The following SLCO3A1 variants were observed in gnomAD, a reference collection of about 807,000 sequenced individuals.
SLCO3A1 encodes the protein PGE1 transporter.
A neutral mutation model predicts 63.1 loss-of-function variants in SLCO3A1; 27 were observed. The observed-to-expected ratio is 0.43, with a 90% confidence interval of 0.32 to 0.59. The LOEUF is 0.59. Among genes scored for constraint, SLCO3A1 ranks in the 20% least tolerant of loss-of-function variants. The pLI, the probability that SLCO3A1 is intolerant of heterozygous loss-of-function variation, is 0.09. For synonymous variants in SLCO3A1, 473 were observed against 409.9 expected, an observed-to-expected ratio of 1.15 and a Z score of -1.86; for missense variants, 773 against 945.8, an observed-to-expected ratio of 0.82 and a Z score of 2.40.
At chr15:91,964,415 C>T (rs73532454) in intron 2 of SLCO3A1, among the ~76,000 whole-genome samples, 3,124 of 152,082 alleles carry the variant, frequency 0.021, 62 homozygotes, top group South Asian at 0.05. Context: ...AGAAGCAAAC[C>T]CTCACATGCA....
At chr15:92,133,208 G>C (rs1021835264) in intron 7 of SLCO3A1, among the ~76,000 whole-genome samples, 2 of 146,122 alleles carry the variant, frequency 1.4e-5, no homozygotes, top group Admixed American at 6.8e-5. Flanking sequence ...TGTCCCTCGG[G>C]GGATATCATC....
chr15:91,938,484 T>G (rs578199536), intron 2 of SLCO3A1, among the ~76,000 whole-genome samples: 6 of 61,252 alleles, frequency 9.8e-5, no homozygotes, highest in South Asian at 1.0e-3. Flanking sequence ...TTTTTTTTGT[T>G]TTTTTTTTTT....
chr15:92,134,096 G>C (rs1439798618), intron 7 of SLCO3A1, among the ~76,000 whole-genome samples: 1 of 152,206 alleles, frequency 6.6e-6, no homozygotes, highest in Admixed American at 6.5e-5. Flanking sequence ...ACTGAGAAGC[G>C]CTGGCCTTTT....
intron 7 of SLCO3A1, 107 bp downstream of exon 7, chr15:92,128,596 C>T (rs1035365531): frequency 9.1e-6 from 9 of 983,834 alleles, no homozygotes; most frequent in African/African-American, 3.2e-5. Context: ...TTTTTCTTAG[C>T]TGTTGCCTTG....
At chr15:91,937,803 TATG>T (rs1899468767) in intron 2 of SLCO3A1, among the ~76,000 whole-genome samples, 1 of 152,030 alleles carries the variant, frequency 6.6e-6, no homozygotes, top group African/African-American at 2.4e-5. Context: ...AAGCACAGGT[TATG>T]CAAAGTTTTA....
At position 91,926,300 on chromosome 15, in the gene SLCO3A1, C is replaced by T. The variant is rs529573306; in HGVS notation, c.646+9842C>T. On this transcript the variant is annotated intron_variant, in intron 2 of 9. Transcript: ENST00000318445. Reference sequence around the variant, plus strand: ...AAAGTATTTAAAAATAACCTGTTGGCAGGCTTTGTGCAGGAACAGTAAGTG... The same window carrying T: ...AAAGTATTTAAAAATAACCTGTTGGTAGGCTTTGTGCAGGAACAGTAAGTG... 5.9e-5 allele frequency among the ~76,000 whole-genome samples: 9 copies of T among 152,318 alleles called. No homozygotes were observed. In the East Asian group the frequency reaches 1.7e-3, roughly 29 times the overall value.
intron 2 of SLCO3A1, among the ~76,000 whole-genome samples, chr15:91,951,578 CAG>C: frequency 7.2e-6 from 1 of 139,330 alleles, no homozygotes; most frequent in South Asian, 2.2e-4. Flanking sequence ...TTTTTTGAGA[CAG>C]AGTCTCACTT....
chr15:91,906,917 T>A (rs1898324869), intron 1 of SLCO3A1, among the ~76,000 whole-genome samples: 1 of 112,146 alleles, frequency 8.9e-6, no homozygotes, highest in African/African-American at 4.3e-5. Flanking sequence ...TAGGAAGCAA[T>A]TAAATTGAGT....
intron 2 of SLCO3A1, among the ~76,000 whole-genome samples, chr15:92,008,486 A>T (rs2046336202): frequency 6.6e-6 from 1 of 152,242 alleles, no homozygotes; most frequent in African/African-American, 2.4e-5. Flanking sequence ...ACATTCAATG[A>T]GCTAAAAAAA....
At chr15:91,890,675 TA>T (rs1814835162) in intron 1 of SLCO3A1, among the ~76,000 whole-genome samples, 1 of 152,220 alleles carries the variant, frequency 6.6e-6, no homozygotes, top group African/African-American at 2.4e-5. Context: ...CTTTGTCTTT[TA>T]AGGCTCTGAT....
chr15:92,066,483 A>T (rs2047153352), intron 2 of SLCO3A1, among the ~76,000 whole-genome samples: 2 of 152,246 alleles, frequency 1.3e-5, no homozygotes, highest in African/African-American at 4.8e-5. Flanking sequence ...AGCTTCTGAG[A>T]AATGCAAAAC....
intron 3 of SLCO3A1, among the ~76,000 whole-genome samples, chr15:92,097,564 CT>C (rs2047554932): frequency 6.6e-6 from 1 of 152,220 alleles, no homozygotes; most frequent in African/African-American, 2.4e-5. Context: ...TCATTGGCTA[CT>C]TGGTGCCTGC....
At position 91,916,550 on chromosome 15, in the gene SLCO3A1, C is replaced by T. The variant is rs1320912543; in HGVS notation, c.646+92C>T. ...GGTGGACTTTGATTTTGCCAGAGTA[C>T]TGGTTCTCAGACTTGGCTGCACACC... On this transcript the variant is annotated intron_variant, in intron 2 of 9. Coordinates refer to ENST00000318445, the MANE Select transcript of SLCO3A1 (RefSeq NM_013272.4). The surrounding 1 kb of genome is among the most constrained non-coding windows in gnomAD (Gnocchi z 6.2). 2 of 969,618 alleles carry T rather than the reference C, an allele frequency of 2.1e-6. No homozygotes were observed. The highest frequency in any genetic ancestry group is 3.1e-6 in the Non-Finnish European group (2 of 655,566). 60.1% of individuals were successfully genotyped at this position (969,618 alleles called of 1,614,324 possible).
At chr15:92,032,999 T>C (rs1281524322) in intron 2 of SLCO3A1, among the ~76,000 whole-genome samples, 1 of 152,120 alleles carries the variant, frequency 6.6e-6, no homozygotes, top group Admixed American at 6.5e-5. Flanking sequence ...GGGAAGTCCA[T>C]GTCAGTGGAT....
intron 1 of SLCO3A1, among the ~76,000 whole-genome samples, chr15:91,913,532 A>G (rs1252823169): frequency 6.6e-6 from 1 of 152,246 alleles, no homozygotes; most frequent in Non-Finnish European, 1.5e-5. Context: ...ACTAGGCTCA[A>G]GGAGTTTGTT....
chr15:92,162,703 G>A, intron 9 of SLCO3A1, 53 bp from the exon 10 acceptor site: 2 of 1,561,268 alleles, frequency 1.3e-6, no homozygotes, highest in Non-Finnish European at 8.7e-7. Flanking sequence ...GACAGGAACA[G>A]GGGAGCACTG....
intron 2 of SLCO3A1, among the ~76,000 whole-genome samples, chr15:92,025,828 A>G (rs2151475569): frequency 6.6e-6 from 1 of 152,342 alleles, no homozygotes; most frequent in South Asian, 2.1e-4. Context: ...GATGCATGGC[A>G]GTAAGAGTTA....
chr15:91,926,596 T>TGTGTGTGA, intron 2 of SLCO3A1, among the ~76,000 whole-genome samples: 1 of 105,318 alleles, frequency 9.5e-6, no homozygotes. Context: ...TGTGTGTGTG[T>TGTGTGTGA]GCGCGCGCGC....
At chr15:91,884,805 T>C (rs377250149) in intron 1 of SLCO3A1, among the ~76,000 whole-genome samples, 127 of 152,324 alleles carry the variant, frequency 8.3e-4, no homozygotes, top group African/African-American at 2.9e-3. Flanking sequence ...TTTTGTATGC[T>C]TACTCTATGC....
Sources: gnomAD v4.1 joint callset for allele counts (sites outside exome capture counted in the v4.1 genomes callset) on GRCh38, gnomAD v4.1.1 for gene constraint, Gnocchi (gnomAD v3.1) non-coding constraint, MANE v1.5 for transcripts, NCBI Gene and HGNC (gene_info 2026-07-23, HGNC 2026-07-21) for gene names.